The following IQGAP2 variants were observed in gnomAD, a reference collection of about 807,000 sequenced individuals.
The protein encoded by IQGAP2 is ras GTPase-activating-like protein IQGAP2.
A neutral mutation model predicts 201.3 loss-of-function variants in IQGAP2; 173 were observed. That is an observed-to-expected ratio of 0.86 (90% CI 0.76 to 0.98). The LOEUF is 0.98. Among genes scored for constraint, IQGAP2 ranks in the 50% least tolerant of loss-of-function variants. The probability of loss-of-function intolerance (pLI) is 0.00; values close to 1 mark genes in which losing one functional copy is unlikely to be tolerated. For synonymous variants in IQGAP2, 675 were observed against 673.9 expected (o/e 1.00, Z -0.03); for missense variants, 1,687 against 1,864.8 (o/e 0.90, Z 1.76).
intron 14 of IQGAP2, among the ~76,000 whole-genome samples, chr5:76,629,772 T>C (rs930882693): frequency 2.0e-5 from 3 of 152,198 alleles, no homozygotes; most frequent in Non-Finnish European, 4.4e-5. Context: ...TAAGAGAGCC[T>C]GCTGGTATAT....
Position 76,497,756 on chromosome 5 carries a change from G to T in IQGAP2, c.146+36087G>T, listed in dbSNP as rs544372919. Among the ~76,000 whole-genome samples the T allele has an allele frequency of 3.0e-3, 458 of 152,276 alleles. 4 individuals are homozygous for T. Among genetic ancestry groups the T allele is most frequent in the African/African-American group, 0.01 (434 of 41,542 alleles). The stretch of plus-strand genomic sequence containing the variant: ...AAGTGAGAGTGCTGTTGGAGATTAC[G>T]ATACCACAATGCAAAACAATTTAAT... On this transcript the variant is annotated intron_variant, in intron 2 of 35. Coordinates refer to ENST00000274364, the MANE Select transcript of IQGAP2 (RefSeq NM_006633.5).
At chr5:76,410,392 C>CT (rs980774707) in intron 1 of IQGAP2, among the ~76,000 whole-genome samples, 5 of 152,112 alleles carry the variant, frequency 3.3e-5, no homozygotes, top group African/African-American at 1.2e-4. Context: ...CCTTCTTGTT[C>CT]TTTGAGATGG....
At chr5:76,597,719 T>A in intron 10 of IQGAP2, 117 bp downstream of exon 10, 1 of 1,008,564 alleles carries the variant, frequency 9.9e-7, no homozygotes, top group Non-Finnish European at 1.5e-6. Context: ...GTACCAGTCC[T>A]GGTCTCACTG....
At chr5:76,472,525 C>T (rs1755170360) in intron 2 of IQGAP2, among the ~76,000 whole-genome samples, 1 of 152,166 alleles carries the variant, frequency 6.6e-6, no homozygotes, top group South Asian at 2.1e-4. Flanking sequence ...ACTGGGAGGT[C>T]AGATGCCCTG....
At chr5:76,603,390 T>C (rs1205031958) in intron 11 of IQGAP2, among the ~76,000 whole-genome samples, 1 of 152,010 alleles carries the variant, frequency 6.6e-6, no homozygotes, top group Admixed American at 6.5e-5. Context: ...ATATCTGAGA[T>C]TGACCCTCCC....
chr5:76,487,255 C>T (rs947115436), intron 2 of IQGAP2, among the ~76,000 whole-genome samples: 29 of 152,048 alleles, frequency 1.9e-4, no homozygotes, highest in Non-Finnish European at 1.5e-4. Context: ...CCCACCACCA[C>T]GCCCAGCTAA....
At chr5:76,702,418 T>C in intron 34 of IQGAP2, 64 bp from the exon 35 acceptor site, 1 of 770,424 alleles carries the variant, frequency 1.3e-6, no homozygotes, top group South Asian at 1.6e-5. Context: ...TCCATTAGTT[T>C]GTTTCAGCTT....
At chr5:76,437,919 A>T (rs891242988) in intron 1 of IQGAP2, among the ~76,000 whole-genome samples, 3 of 145,946 alleles carry the variant, frequency 2.1e-5, no homozygotes, top group Non-Finnish European at 4.5e-5. Context: ...GTCAAATGGT[A>T]TTATCTTTTT....
At chr5:76,505,340 G>C (rs1348009140) in intron 2 of IQGAP2, among the ~76,000 whole-genome samples, 1 of 152,168 alleles carries the variant, frequency 6.6e-6, no homozygotes, top group East Asian at 1.9e-4. Flanking sequence ...CTCAACTGGG[G>C]AGTCAACCCA....
At chr5:76,575,143 C>G (rs1017082041) in intron 4 of IQGAP2, among the ~76,000 whole-genome samples, 2 of 152,084 alleles carry the variant, frequency 1.3e-5, no homozygotes, top group African/African-American at 4.8e-5. Flanking sequence ...GAGGTGGGGT[C>G]ATAGATGTTT....
At chr5:76,632,838 A>G (rs1750819748) in intron 15 of IQGAP2, among the ~76,000 whole-genome samples, 1 of 151,948 alleles carries the variant, frequency 6.6e-6, no homozygotes, top group African/African-American at 2.4e-5. Flanking sequence ...TTTTTAGTCC[A>G]ACTTGATGTT....
chr5:76,568,554 T>G (rs551136918), intron 3 of IQGAP2, among the ~76,000 whole-genome samples: 1 of 152,312 alleles, frequency 6.6e-6, no homozygotes, highest in East Asian at 1.9e-4. Flanking sequence ...TAATTTGGGA[T>G]TGTTGGAGCC....
chr5:76,477,875 TAA>T (rs60866453), intron 2 of IQGAP2, among the ~76,000 whole-genome samples: 35 of 149,522 alleles, frequency 2.3e-4, no homozygotes, highest in African/African-American at 7.3e-4. Context: ...GTTTAAAAAG[TAA>T]AAAAAAAAAT....
intron 11 of IQGAP2, among the ~76,000 whole-genome samples, chr5:76,605,179 A>G (rs1747715497): frequency 6.6e-6 from 1 of 152,192 alleles, no homozygotes; most frequent in Non-Finnish European, 1.5e-5. Context: ...AAAGTGGGAA[A>G]ATTGATAATT....
intron 2 of IQGAP2, among the ~76,000 whole-genome samples, chr5:76,469,882 T>C (rs1290471522): frequency 6.6e-6 from 1 of 152,186 alleles, no homozygotes; most frequent in Non-Finnish European, 1.5e-5. Context: ...GTATATGTAT[T>C]AGTTGCCTAT....
At chr5:76,440,634 C>T (rs1337162844) in intron 1 of IQGAP2, among the ~76,000 whole-genome samples, 2 of 152,118 alleles carry the variant, frequency 1.3e-5, no homozygotes, top group African/African-American at 4.8e-5. Context: ...ATTTCTTTGA[C>T]CTGCAGAAGA....
At chr5:76,620,719 G>C (rs968600753) in intron 13 of IQGAP2, among the ~76,000 whole-genome samples, 4 of 151,968 alleles carry the variant, frequency 2.6e-5, no homozygotes, top group African/African-American at 9.7e-5. Context: ...AGAATCCAAA[G>C]GTGGACTTTA....
chr5:76,642,264 A>T (rs1210390113), intron 17 of IQGAP2, among the ~76,000 whole-genome samples: 2 of 152,200 alleles, frequency 1.3e-5, no homozygotes, highest in Non-Finnish European at 2.9e-5. Context: ...CTCAGGTCAC[A>T]CAGCAGTGTT....
chr5:76,566,921 T>C (rs1208347009), intron 3 of IQGAP2, among the ~76,000 whole-genome samples: 1 of 151,452 alleles, frequency 6.6e-6, no homozygotes, highest in Non-Finnish European at 1.5e-5. Flanking sequence ...CTTGAGAGAT[T>C]AGAGAGTGGT....
Sources: gnomAD v4.1 joint callset for allele counts (sites outside exome capture counted in the v4.1 genomes callset) on GRCh38, gnomAD v4.1.1 for gene constraint, MANE v1.5 for transcripts, NCBI Gene and HGNC (gene_info 2026-07-23, HGNC 2026-07-21) for gene names.